BRINP3: variants seen among roughly 807,000 people sequenced by gnomAD.
BRINP3 encodes the protein BMP/retinoic acid-inducible neural-specific protein 3.
In BRINP3, 19 loss-of-function variants were observed where a neutral mutation model predicts 71.0. The ratio of observed to expected loss-of-function variants is 0.27; its 90% CI spans 0.19 to 0.39. The LOEUF (loss-of-function observed/expected upper bound fraction) is 0.39. Ranked by LOEUF, BRINP3 falls within the 10% of genes least tolerant of loss-of-function variation. The pLI, the probability that BRINP3 is intolerant of heterozygous loss-of-function variation, is 1.00. For synonymous variants in BRINP3, 380 were observed against 337.7 expected (o/e 1.13, Z -1.37); for missense variants, 959 against 940.8 (o/e 1.02, Z -0.25).
At chr1:190,427,143 A>G (rs1241269526) in intron 2 of BRINP3, among the ~76,000 whole-genome samples, 1 of 151,954 alleles carries the variant, frequency 6.6e-6, no homozygotes, top group Non-Finnish European at 1.5e-5. Flanking sequence ...ACTTATATTT[A>G]TCTAATTTCT....
intron 2 of BRINP3, among the ~76,000 whole-genome samples, chr1:190,324,477 C>T (rs1054271009): frequency 5.9e-5 from 9 of 151,714 alleles, no homozygotes; most frequent in African/African-American, 1.5e-4. Flanking sequence ...GAAAATGTAG[C>T]GTTAATAAAT....
chr1:190,164,745 ATTTTATC>A (rs1301115415), intron 6 of BRINP3, among the ~76,000 whole-genome samples: 3 of 151,240 alleles, frequency 2.0e-5, no homozygotes, highest in Non-Finnish European at 4.4e-5. Flanking sequence ...CCTAGCTAAT[ATTTTATC>A]TTTTATCTCT....
chr1:190,440,630 A>G (rs1674752834), intron 2 of BRINP3, among the ~76,000 whole-genome samples: 1 of 151,974 alleles, frequency 6.6e-6, no homozygotes, highest in African/African-American at 2.4e-5. Flanking sequence ...AAAATTTTAT[A>G]CATTTGTACA....
chr1:190,317,849 G>T (rs1665988035), intron 2 of BRINP3, among the ~76,000 whole-genome samples: 1 of 151,998 alleles, frequency 6.6e-6, no homozygotes, highest in Admixed American at 6.6e-5. Context: ...GTTCATCCAT[G>T]TTATGCACTC....
intron 2 of BRINP3, among the ~76,000 whole-genome samples, chr1:190,332,006 TAA>T (rs929786742): frequency 1.3e-5 from 2 of 152,032 alleles, no homozygotes; most frequent in African/African-American, 4.8e-5. Context: ...TAATACATTT[TAA>T]AAGTTATCAG....
At chr1:190,308,636 G>A (rs1665298563) in intron 2 of BRINP3, among the ~76,000 whole-genome samples, 1 of 151,390 alleles carries the variant, frequency 6.6e-6, no homozygotes, top group African/African-American at 2.4e-5. Context: ...AAAACTTAAA[G>A]TATAATAATA....
chr1:190,177,150 CTTTTTTTTT>C (rs1030190199), intron 6 of BRINP3, among the ~76,000 whole-genome samples: 5 of 63,212 alleles, frequency 7.9e-5, no homozygotes, highest in Non-Finnish European at 1.4e-4. Context: ...GCACCCACTT[CTTTTTTTTT>C]TTTTTTTTTT....
At chr1:190,209,091 T>C (rs1442945627) in intron 6 of BRINP3, among the ~76,000 whole-genome samples, 3 of 152,084 alleles carry the variant, frequency 2.0e-5, no homozygotes, top group Admixed American at 2.0e-4. Context: ...AAAATCAAAC[T>C]TAAATTTTCA....
At chr1:190,262,838 A>C (rs534942392) in intron 4 of BRINP3, among the ~76,000 whole-genome samples, 149 of 152,288 alleles carry the variant, frequency 9.8e-4, no homozygotes, top group Non-Finnish European at 1.7e-3. Context: ...GTATTAACAG[A>C]GTCTAAATAC....
chr1:190,229,929 T>G (rs533532039), intron 5 of BRINP3, among the ~76,000 whole-genome samples: 1 of 151,972 alleles, frequency 6.6e-6, no homozygotes, highest in East Asian at 1.9e-4. Context: ...TTCAATCACA[T>G]GATCAAAAAT....
At chr1:190,195,034 TA>T (rs906395527) in intron 6 of BRINP3, among the ~76,000 whole-genome samples, 45 of 151,728 alleles carry the variant, frequency 3.0e-4, no homozygotes, top group South Asian at 6.2e-4. Flanking sequence ...ACATGAAGTT[TA>T]AAAAAAAATT....
chr1:190,142,127 T>A (rs76500798), intron 7 of BRINP3, among the ~76,000 whole-genome samples: 1 of 152,096 alleles, frequency 6.6e-6, no homozygotes, highest in Non-Finnish European at 1.5e-5. Flanking sequence ...AAGAAAATAA[T>A]TGATGAATTA....
At chr1:190,311,906 A>G (rs1227133251) in intron 2 of BRINP3, among the ~76,000 whole-genome samples, 1 of 150,238 alleles carries the variant, frequency 6.7e-6, no homozygotes, top group African/African-American at 2.4e-5. Flanking sequence ...GAGAGTAAAT[A>G]CTCACATACC....
At chr1:190,243,157 A>T (rs1408695626) in intron 4 of BRINP3, among the ~76,000 whole-genome samples, 1 of 152,124 alleles carries the variant, frequency 6.6e-6, no homozygotes, top group Non-Finnish European at 1.5e-5. Flanking sequence ...TTCTTAAATT[A>T]TTGATTTAGT....
intron 7 of BRINP3, among the ~76,000 whole-genome samples, chr1:190,123,128 C>T (rs564001413): frequency 1.3e-5 from 2 of 152,220 alleles, no homozygotes; most frequent in African/African-American, 4.8e-5. Flanking sequence ...TAATTGTTCG[C>T]CCCCCTCGAG....
chr1:190,298,797 C>CTA (rs147015683), intron 2 of BRINP3, among the ~76,000 whole-genome samples: 14 of 151,444 alleles, frequency 9.2e-5, no homozygotes, highest in South Asian at 2.1e-4. Flanking sequence ...TTAAAGAGTT[C>CTA]TATATATATA....
intron 7 of BRINP3, among the ~76,000 whole-genome samples, chr1:190,149,485 A>C (rs1184075421): frequency 6.6e-6 from 1 of 152,166 alleles, no homozygotes; most frequent in Non-Finnish European, 1.5e-5. Context: ...TGAGGTTATA[A>C]AAGAAAAATC....
intron 2 of BRINP3, among the ~76,000 whole-genome samples, chr1:190,380,469 C>T (rs1670477624): frequency 1.3e-5 from 2 of 152,114 alleles, no homozygotes; most frequent in African/African-American, 4.8e-5. Context: ...GAAGGGAGAT[C>T]TGTATAGGAG....
At chr1:190,438,922 A>G (rs181771047) in intron 2 of BRINP3, among the ~76,000 whole-genome samples, 2 of 151,928 alleles carry the variant, frequency 1.3e-5, no homozygotes, top group Admixed American at 6.6e-5. Context: ...TCAATCTCAG[A>G]CCCCAGAAAG....
Sources: gnomAD v4.1 joint callset for allele counts (sites outside exome capture counted in the v4.1 genomes callset) on GRCh38, gnomAD v4.1.1 for gene constraint, MANE v1.5 for transcripts, NCBI Gene and HGNC (gene_info 2026-07-23, HGNC 2026-07-21) for gene names.